The following CLVS1 variants were observed in gnomAD, a reference collection of about 807,000 sequenced individuals.
CLVS1 encodes clavesin 1.
In CLVS1, 10 loss-of-function variants were observed where a neutral mutation model predicts 33.1. That is an observed-to-expected ratio of 0.30 (90% CI 0.19 to 0.51). The LOEUF is 0.51. Ranked by LOEUF, CLVS1 falls within the 20% of genes least tolerant of loss-of-function variation. The probability of loss-of-function intolerance (pLI) is 0.97; values close to 1 mark genes in which losing one functional copy is unlikely to be tolerated. For synonymous variants in CLVS1, 163 were observed against 166.1 expected (o/e 0.98, Z 0.14); for missense variants, 343 against 433.4 (o/e 0.79, Z 1.85).
At chr8:61,238,120 T>A (rs1808606136) in intron 2 of CLVS1, among the ~76,000 whole-genome samples, 1 of 152,240 alleles carries the variant, frequency 6.6e-6, no homozygotes, top group South Asian at 2.1e-4. Flanking sequence ...ATAGAAGATC[T>A]ACTTTCTTAT....
chr8:61,481,448 C>T (rs896754518), intron 5 of CLVS1, among the ~76,000 whole-genome samples: 1 of 152,188 alleles, frequency 6.6e-6, no homozygotes, highest in African/African-American at 2.4e-5. Context: ...CCTTTCCCAG[C>T]AAAGGGAAGA....
intron 1 of CLVS1, among the ~76,000 whole-genome samples, chr8:61,116,652 C>G (rs1389638225): frequency 4.6e-5 from 7 of 150,918 alleles, no homozygotes; most frequent in Non-Finnish European, 8.9e-5. Flanking sequence ...GCTTGTTTTT[C>G]TCAGGTTTGT....
the CLVS1 span, among the ~76,000 whole-genome samples, chr8:61,042,781 G>A: frequency 2.0e-4 from 30 of 152,178 alleles, no homozygotes; most frequent in Admixed American, 1.8e-3. Flanking sequence ...GAGAATAGAA[G>A]GGAAGGTCCC....
intron 1 of CLVS1, among the ~76,000 whole-genome samples, chr8:61,062,449 C>A (rs552420969): frequency 1.3e-5 from 2 of 152,324 alleles, no homozygotes; most frequent in East Asian, 3.9e-4. Flanking sequence ...AAACTTACTC[C>A]AGAGTTTCTC....
In CLVS1 at chr8:61,194,741, TC is replaced by T. The variant is rs1807567074; in HGVS notation, c.-152+62882del. Among the ~76,000 whole-genome samples the T allele has an allele frequency of 2.6e-5, 4 of 151,890 alleles. No homozygotes were observed. In the South Asian group the frequency reaches 8.3e-4, roughly 32 times the overall value. On this transcript the variant is annotated intron_variant, in intron 2 of 2. Transcript: ENST00000522621. Reference sequence around the variant, plus strand: ...AATTCATATTTAGATATATAAAAATTCATATCCTTTTGAAGAAATGCAGAAT... The same window carrying T: ...AATTCATATTTAGATATATAAAAATTATATCCTTTTGAAGAAATGCAGAAT...
chr8:61,107,525 T>G (rs1296480552), intron 1 of CLVS1, among the ~76,000 whole-genome samples: 1 of 152,226 alleles, frequency 6.6e-6, no homozygotes, highest in African/African-American at 2.4e-5. Context: ...ATGCCCTTCA[T>G]GAGGGTGGAG....
intron 2 of CLVS1, among the ~76,000 whole-genome samples, chr8:61,238,204 C>T (rs116229220): frequency 0.012 from 1,814 of 152,206 alleles, 45 homozygotes; most frequent in African/African-American, 0.042. Flanking sequence ...CAAAAATTAC[C>T]TATAATTCTA....
At chr8:61,495,152 A>C (rs1034090737) in intron 5 of CLVS1, among the ~76,000 whole-genome samples, 4 of 152,178 alleles carry the variant, frequency 2.6e-5, no homozygotes, top group Non-Finnish European at 4.4e-5. Flanking sequence ...TGGCTACCTG[A>C]ATAAGAACTA....
At chr8:61,442,304 TC>T (rs34595676) in intron 3 of CLVS1, among the ~76,000 whole-genome samples, 1 of 152,236 alleles carries the variant, frequency 6.6e-6, no homozygotes, top group East Asian at 1.9e-4. Context: ...CAAGCAGTGT[TC>T]CATGGTCTGG....
At chr8:61,386,286 T>C (rs113751992) in intron 3 of CLVS1, among the ~76,000 whole-genome samples, 4,018 of 152,304 alleles carry the variant, frequency 0.026, 159 homozygotes, top group African/African-American at 0.091. Context: ...GATGATGCTG[T>C]AGGTGGCTGA....
intron 2 of CLVS1, among the ~76,000 whole-genome samples, chr8:61,309,333 A>C (rs1444867687): frequency 2.0e-5 from 3 of 152,202 alleles, no homozygotes; most frequent in Admixed American, 6.5e-5. Flanking sequence ...TAATACACAT[A>C]CTAAATGGTT....
intron 3 of CLVS1, among the ~76,000 whole-genome samples, chr8:61,426,497 C>T (rs769252066): frequency 2.0e-5 from 3 of 152,154 alleles, no homozygotes; most frequent in Admixed American, 1.3e-4. Context: ...TTATGTATGA[C>T]GATTGATAGG....
intron 2 of CLVS1, among the ~76,000 whole-genome samples, chr8:61,305,627 G>GT (rs907138810): frequency 7.2e-5 from 11 of 151,910 alleles, no homozygotes; most frequent in East Asian, 1.9e-4. Flanking sequence ...GTGTCATGGG[G>GT]TTTTTTTTGT....
intron 1 of CLVS1, among the ~76,000 whole-genome samples, chr8:61,061,213 A>T (rs1804577756): frequency 6.6e-6 from 1 of 152,170 alleles, no homozygotes; most frequent in South Asian, 2.1e-4. Flanking sequence ...CCCGACTTTT[A>T]CACAAGCTGA....
chr8:61,425,424 AT>A (rs1004466605), intron 3 of CLVS1, among the ~76,000 whole-genome samples: 1 of 149,110 alleles, frequency 6.7e-6, no homozygotes, highest in Non-Finnish European at 1.5e-5. Context: ...CTCAACAGTG[AT>A]TTTTTTAAAA....
intron 1 of CLVS1, among the ~76,000 whole-genome samples, chr8:61,074,986 CT>C (rs757853086): frequency 2.6e-5 from 4 of 152,106 alleles, no homozygotes; most frequent in Non-Finnish European, 5.9e-5. Context: ...CCTCCCCCCC[CT>C]TTTAAATGCT....
intron 2 of CLVS1, among the ~76,000 whole-genome samples, chr8:61,135,280 G>A (rs544027523): frequency 2.2e-4 from 33 of 152,106 alleles, no homozygotes; most frequent in Middle Eastern, 3.4e-3. Flanking sequence ...TAGTACCCTC[G>A]TCCCCTTCCA....
intron 1 of CLVS1, among the ~76,000 whole-genome samples, chr8:61,110,195 G>C (rs970892883): frequency 1.3e-5 from 2 of 152,138 alleles, no homozygotes. Flanking sequence ...CTGTAACCCT[G>C]ACTGCCTGGC....
chr8:61,362,729 T>G (rs960981754), intron 2 of CLVS1, among the ~76,000 whole-genome samples: 2 of 152,154 alleles, frequency 1.3e-5, no homozygotes, highest in Non-Finnish European at 2.9e-5. Context: ...TCCTGTTAGC[T>G]CTCCTTGCCT....
Sources: allele counts gnomAD v4.1 joint callset (sites outside exome capture counted in the v4.1 genomes callset), GRCh38; gene constraint gnomAD v4.1.1; transcripts MANE v1.5; gene names NCBI Gene and HGNC (gene_info 2026-07-23, HGNC 2026-07-21).